QTGAL: variants seen among roughly 807,000 people sequenced by gnomAD.
QTGAL encodes the protein queuosine-tRNA galactosyltransferase.
the QTGAL span, among the ~76,000 whole-genome samples, chr17:82,976,045 C>T: frequency 2.2e-5 from 2 of 89,202 alleles, no homozygotes; most frequent in Non-Finnish European, 4.2e-5. Context: ...CAGAGCCGGA[C>T]TCCATCCTCC....
the QTGAL span, among the ~76,000 whole-genome samples, chr17:82,964,505 C>T: frequency 3.3e-5 from 5 of 151,894 alleles, no homozygotes; most frequent in South Asian, 2.1e-4. Flanking sequence ...CCTACAGGTG[C>T]GTCCCACGGG....
At chr17:83,005,163 T>A in the QTGAL span, 75 of 1,610,838 alleles carry the variant, frequency 4.7e-5, no homozygotes, top group Non-Finnish European at 5.9e-5. The surrounding 1 kb of genome is among the most constrained non-coding windows in gnomAD (Gnocchi z 5.6). Flanking sequence ...AACGTGTGTA[T>A]CGTTCGGTGG....
At chr17:83,039,600 G>A in the QTGAL span, among the ~76,000 whole-genome samples, 2 of 143,906 alleles carry the variant, frequency 1.4e-5, no homozygotes, top group East Asian at 2.1e-4. Context: ...CCCACCGCCC[G>A]CCCCTGTTCT....
At chr17:83,048,543 A>C in the QTGAL span, 2 of 1,613,960 alleles carry the variant, frequency 1.2e-6, no homozygotes, top group Non-Finnish European at 1.7e-6. Context: ...TTCACTCTCC[A>C]TTTTTCAATG....
At chr17:83,044,597 C>T in the QTGAL span, among the ~76,000 whole-genome samples, 1 of 152,158 alleles carries the variant, frequency 6.6e-6, no homozygotes, top group African/African-American at 2.4e-5. Flanking sequence ...CGAGGATGCC[C>T]ACTTTCACCA....
At chr17:82,986,690 G>A in the QTGAL span, among the ~76,000 whole-genome samples, 4 of 152,354 alleles carry the variant, frequency 2.6e-5, no homozygotes, top group South Asian at 2.1e-4. Flanking sequence ...AGTTGATGCC[G>A]TCATCATAAA....
chr17:82,968,489 A>G, the QTGAL span, among the ~76,000 whole-genome samples: 16,175 of 88,106 alleles, frequency 0.18, 1,839 homozygotes, highest in Admixed American at 0.25. Context: ...GATGTCTGTC[A>G]GCAACAGGGA....
chr17:82,961,229 T>G, the QTGAL span: 1 of 1,580,262 alleles, frequency 6.3e-7, no homozygotes, highest in Non-Finnish European at 8.6e-7. Context: ...CAGAAACGCG[T>G]GCCTGCCCCG....
chr17:83,029,064 C>T, the QTGAL span, among the ~76,000 whole-genome samples: 1 of 152,204 alleles, frequency 6.6e-6, no homozygotes, highest in Non-Finnish European at 1.5e-5. Flanking sequence ...CAGTGGCTGC[C>T]GTGGGGACCG....
the QTGAL span, among the ~76,000 whole-genome samples, chr17:82,990,042 C>T: frequency 2.0e-5 from 3 of 152,194 alleles, no homozygotes; most frequent in African/African-American, 4.8e-5. Flanking sequence ...ATCTTCTCTG[C>T]GGCACTGCTC....
At chr17:83,039,651 A>T in the QTGAL span, among the ~76,000 whole-genome samples, 2 of 152,086 alleles carry the variant, frequency 1.3e-5, 1 homozygote, top group Non-Finnish European at 2.9e-5. Flanking sequence ...CCTGTTCTAG[A>T]CACACTGCAG....
chr17:82,958,786 C>A, the QTGAL span, among the ~76,000 whole-genome samples: 1 of 129,220 alleles, frequency 7.7e-6, no homozygotes, highest in African/African-American at 4.1e-5. Context: ...GACTTGGGGA[C>A]ACTGAAGCAT....
At chr17:83,020,726 G>A in the QTGAL span, among the ~76,000 whole-genome samples, 115 of 152,314 alleles carry the variant, frequency 7.6e-4, 1 homozygote, top group Non-Finnish European at 1.2e-3. Context: ...GATTCTGAGC[G>A]CAGTTGGGGA....
chr17:82,947,003 C>G, the QTGAL span: 39 of 1,552,068 alleles, frequency 2.5e-5, no homozygotes, highest in East Asian at 4.9e-5. Context: ...GCAGCAGATT[C>G]AGCTCAGTCC....
chr17:82,998,890 T>G, the QTGAL span, among the ~76,000 whole-genome samples: 1 of 152,050 alleles, frequency 6.6e-6, no homozygotes, highest in African/African-American at 2.4e-5. Flanking sequence ...TGTTTCACAT[T>G]ATTACCCATT....
the QTGAL span, chr17:82,956,893 CG>C: frequency 8.4e-7 from 1 of 1,190,346 alleles, no homozygotes; most frequent in Non-Finnish European, 1.2e-6. The surrounding 1 kb of genome is among the most constrained non-coding windows in gnomAD (Gnocchi z 5.7). Context: ...CAGCAGATAA[CG>C]TGCCAGGGTC....
At chr17:83,043,041 T>C in the QTGAL span, among the ~76,000 whole-genome samples, 1 of 152,330 alleles carries the variant, frequency 6.6e-6, no homozygotes, top group East Asian at 1.9e-4. Flanking sequence ...AAGGCAAAGA[T>C]TGACTGAATT....
At chr17:82,956,757 G>A in the QTGAL span, 2 of 1,583,112 alleles carry the variant, frequency 1.3e-6, no homozygotes, top group Non-Finnish European at 1.7e-6. The surrounding 1 kb of genome is among the most constrained non-coding windows in gnomAD (Gnocchi z 5.7). Context: ...GGGATTCGGG[G>A]CTTGGGTCTT....
the QTGAL span, among the ~76,000 whole-genome samples, chr17:82,993,994 G>A: frequency 6.6e-6 from 1 of 152,062 alleles, no homozygotes; most frequent in South Asian, 2.1e-4. Context: ...AAACCTATAG[G>A]ATATAGCAAA....
Sources: gnomAD v4.1 joint callset for allele counts (sites outside exome capture counted in the v4.1 genomes callset) on GRCh38, gnomAD v4.1.1 for gene constraint, Gnocchi (gnomAD v3.1) non-coding constraint, MANE v1.5 for transcripts, NCBI Gene and HGNC (gene_info 2026-07-23, HGNC 2026-07-21) for gene names.